Variants in TACC2 observed in about 807,000 individuals in gnomAD.
TACC2 encodes the protein transforming acidic coiled-coil containing protein 2, also known as transforming acidic coiled-coil-containing protein 2.
In TACC2, 137 loss-of-function variants were observed where a neutral mutation model predicts 227.3. The ratio of observed to expected loss-of-function variants is 0.60; its 90% CI spans 0.52 to 0.69. TACC2 has a LOEUF of 0.69. Among genes scored for constraint, TACC2 ranks in the 30% least tolerant of loss-of-function variants. The pLI is 0.00. For synonymous variants in TACC2, 1,523 were observed against 1,487.5 expected, an observed-to-expected ratio of 1.02 and a Z score of -0.55; for missense variants, 3,470 against 3,694.4, an observed-to-expected ratio of 0.94 and a Z score of 1.57.
chr10:122,029,727 G>A (rs963761975), intron 2 of TACC2, among the ~76,000 whole-genome samples: 1 of 152,146 alleles, frequency 6.6e-6, no homozygotes, highest in Non-Finnish European at 1.5e-5. Context: ...GAAGGGCATA[G>A]CTATCGGGTG....
At chr10:122,078,088 G>A (rs757793259) in intron 3 of TACC2, among the ~76,000 whole-genome samples, 1 of 151,486 alleles carries the variant, frequency 6.6e-6, no homozygotes, top group Admixed American at 6.6e-5. Context: ...CAGGCCACTC[G>A]GGAGACTGAG....
chr10:122,227,481 A>G (rs923728987), intron 13 of TACC2, among the ~76,000 whole-genome samples: 1 of 152,238 alleles, frequency 6.6e-6, no homozygotes, highest in Non-Finnish European at 1.5e-5. Context: ...CTTTACAGGC[A>G]TGCAGCATCT....
In TACC2 at chr10:122,086,570, C is replaced by T; in HGVS notation, c.4070C>T (p.Ala1357Val). 6.2e-7 allele frequency: 1 copy of T among 1,602,270 alleles called. No homozygotes were observed. The highest frequency in any genetic ancestry group is 8.5e-7 in the Non-Finnish European group (1 of 1,174,162). ...ACAGCTCCAGGTGCAGGTGCCAAGG[C>T]CAGTGGGGAGGGCATGGCAGGTGAT... is the stretch of plus-strand genomic sequence containing the variant. ...AATAPGAGAK[A>V]SGEGMAGDAA... is the part of the protein sequence containing the mutation. Residue 1357 changes from alanine (A) to valine (V), a missense_variant, in exon 4 of 23, where the codon GCC (alanine) becomes GTC (valine). Ala to Val is a moderately conservative substitution (Grantham distance 64, BLOSUM62 0). Around this residue, in one of 10 missense-constraint regions of TACC2, gnomAD observed 1,924 missense variants for 1,978.3 expected, o/e 0.97. Transcript: ENST00000369005.
chr10:122,070,621 C>T (rs1019298172), intron 3 of TACC2, among the ~76,000 whole-genome samples: 2 of 152,034 alleles, frequency 1.3e-5, no homozygotes, highest in African/African-American at 2.4e-5. Flanking sequence ...GGCGTGTTGG[C>T]ACATGCCTGT....
chr10:122,016,249 G>A (rs1426707564), intron 1 of TACC2, among the ~76,000 whole-genome samples: 1 of 126,384 alleles, frequency 7.9e-6, no homozygotes, highest in Non-Finnish European at 1.6e-5. Flanking sequence ...GTGACAGAGT[G>A]AGACCCTGTC....
At chr10:122,099,526 G>A (rs565567911) in intron 5 of TACC2, among the ~76,000 whole-genome samples, 24 of 152,282 alleles carry the variant, frequency 1.6e-4, no homozygotes, top group African/African-American at 5.3e-4. Context: ...TCAGCAGAAC[G>A]TTCTCCTGTT....
At chr10:122,041,151 G>A (rs1343884531) in intron 2 of TACC2, among the ~76,000 whole-genome samples, 4 of 152,194 alleles carry the variant, frequency 2.6e-5, no homozygotes, top group African/African-American at 9.7e-5. Context: ...GGCGCTGTGT[G>A]GTTGTTACTT....
At chr10:122,025,961 A>AT (rs1265696875) in intron 2 of TACC2, among the ~76,000 whole-genome samples, 1 of 151,772 alleles carries the variant, frequency 6.6e-6, no homozygotes, top group African/African-American at 2.4e-5. Context: ...GTTTGCAGAT[A>AT]TTTTCTTCCA....
At chr10:122,132,813 T>C in intron 6 of TACC2, 79 bp downstream of exon 6, 1 of 1,434,374 alleles carries the variant, frequency 7.0e-7, no homozygotes, top group Non-Finnish European at 9.6e-7. Flanking sequence ...TCCCCTCCCT[T>C]CCCCTCCCCT....
intron 19 of TACC2, chr10:122,248,283 A>C: frequency 4.8e-6 from 1 of 206,998 alleles, no homozygotes; most frequent in East Asian, 1.0e-4. Context: ...TTCACTAGCG[A>C]TGTCTTCTTT....
Position 122,227,851 on chromosome 10 carries a change from A to C in TACC2, c.7739A>C (p.Glu2580Ala). Residue 2580 changes from glutamate to alanine, a missense_variant, in exon 14 of 23, where the codon GAG (glutamate) becomes GCG (alanine). Physicochemically the swap from Glu to Ala is moderately radical, Grantham distance 107. This residue lies in a region of TACC2 where 345 missense variants were observed against 354.4 expected (regional missense o/e 0.97). Coordinates refer to ENST00000369005, the MANE Select transcript of TACC2 (RefSeq NM_206862.4). Reference sequence around the variant, plus strand: ...GCTTCCCCCAGGTCAAGTTTTGAAGAGACTGAAGCCCTTGTGAACACTGCT... The same window carrying C: ...GCTTCCCCCAGGTCAAGTTTTGAAGCGACTGAAGCCCTTGTGAACACTGCT... ...PTPCSGSSFE[E>A]TEALVNTAAK... 1 of 1,611,326 alleles carries C rather than the reference A, an allele frequency of 6.2e-7. No individual in the cohort carries two copies.
chr10:122,086,958 T>C lies in TACC2; in HGVS notation c.4458T>C (p.His1486=). 1 of 1,613,968 alleles carries C rather than the reference T, an allele frequency of 6.2e-7. No homozygotes were observed. The highest frequency in any genetic ancestry group is 8.5e-7 in the Non-Finnish European group (1 of 1,180,036). The change falls in exon 4 of 23, where the codon CAT becomes CAC. Residue 1486 remains histidine (H), a synonymous_variant. Transcript: ENST00000369005. The part of the protein sequence containing the change: ...QQLAGEAEIS[H]LALQDPASDK... ...TGGCTGGAGAGGCTGAGATTTCCCA[T>C]CTGGCTCTGCAAGATCCAGCTTCAG...
At chr10:122,197,420 G>A (rs540371045) in intron 8 of TACC2, among the ~76,000 whole-genome samples, 128 of 152,342 alleles carry the variant, frequency 8.4e-4, no homozygotes, top group African/African-American at 3.0e-3. Context: ...GGATGAATGG[G>A]ATGCCACTCT....
intron 5 of TACC2, among the ~76,000 whole-genome samples, chr10:122,113,839 C>A (rs2084119403): frequency 1.3e-5 from 2 of 152,252 alleles, no homozygotes; most frequent in Admixed American, 1.3e-4. Flanking sequence ...GTCCCCTCCG[C>A]GTCCTTGGCT....
intron 7 of TACC2, among the ~76,000 whole-genome samples, chr10:122,169,492 CA>C (rs1475453126): frequency 6.6e-6 from 1 of 152,194 alleles, no homozygotes; most frequent in Non-Finnish European, 1.5e-5. Flanking sequence ...TCTGCTGTTA[CA>C]GTTCAAAAGC....
At chr10:122,017,681 G>A (rs932615831) in intron 1 of TACC2, among the ~76,000 whole-genome samples, 1 of 151,958 alleles carries the variant, frequency 6.6e-6, no homozygotes, top group African/African-American at 2.4e-5. Flanking sequence ...GTCTGGCGTG[G>A]TGGTGGGTGC....
At chr10:122,198,123 A>G (rs550906429) in intron 8 of TACC2, among the ~76,000 whole-genome samples, 1 of 152,358 alleles carries the variant, frequency 6.6e-6, no homozygotes, top group Non-Finnish European at 1.5e-5. Flanking sequence ...CATTTTATAA[A>G]GCACTCACTT....
chr10:122,139,008 C>T (rs941040013), intron 6 of TACC2, among the ~76,000 whole-genome samples: 1 of 152,346 alleles, frequency 6.6e-6, no homozygotes, highest in East Asian at 1.9e-4. Flanking sequence ...ATAAGGAAAT[C>T]TTGCCCCTGG....
intron 1 of TACC2, among the ~76,000 whole-genome samples, chr10:121,990,228 G>A (rs1194319906): frequency 6.6e-6 from 1 of 151,690 alleles, no homozygotes; most frequent in African/African-American, 2.4e-5. Flanking sequence ...CTCCCACCAG[G>A]AGCAATCCTC....
Sources: allele counts gnomAD v4.1 joint callset (sites outside exome capture counted in the v4.1 genomes callset), GRCh38; gene constraint gnomAD v4.1.1; regional missense constraint gnomAD v4.1.1; transcripts MANE v1.5; gene names NCBI Gene and HGNC (gene_info 2026-07-23, HGNC 2026-07-21).